Variants in TVP23B observed in about 807,000 individuals in gnomAD.
The protein encoded by TVP23B is Golgi apparatus membrane protein TVP23 homolog B.
Under a neutral mutation model 30.6 loss-of-function variants are expected in TVP23B, and 10 were observed. The ratio of observed to expected loss-of-function variants is 0.33; its 90% CI spans 0.20 to 0.55. TVP23B has a LOEUF of 0.55. TVP23B is among the 20% of genes least tolerant of loss of function. The pLI, the probability that TVP23B is intolerant of heterozygous loss-of-function variation, is 0.91. For missense variants in TVP23B, 153 were observed against 243.2 expected (o/e 0.63, Z 2.47); for synonymous variants, 67 against 83.1 (o/e 0.81, Z 1.06).
intron 3 of TVP23B, 109 bp from the exon 4 acceptor site, chr17:18,797,470 G>A: frequency 2.6e-6 from 4 of 1,544,362 alleles, no homozygotes; most frequent in South Asian, 1.2e-5. Context: ...ATATTATGGA[G>A]GTAAAGCTGA....
chr17:18,795,135 TC>T (rs1200544837), intron 3 of TVP23B, among the ~76,000 whole-genome samples: 2 of 146,150 alleles, frequency 1.4e-5, no homozygotes, highest in Non-Finnish European at 3.0e-5. Flanking sequence ...CAAGCCATTC[TC>T]CTGCCTCACC....
At chr17:18,781,333 G>A in intron 1 of TVP23B, 28 bp downstream of exon 1, 1 of 1,571,008 alleles carries the variant, frequency 6.4e-7, no homozygotes, top group Middle Eastern at 2.3e-4. Context: ...CGCTGGGAGG[G>A]TGGCGGCTCC....
At position 18,798,865 on chromosome 17, in the gene TVP23B, G is replaced by A. The variant is rs750999381; in HGVS notation, c.384G>A (p.Trp128Ter). 18 of 1,613,694 alleles carry A rather than the reference G, an allele frequency of 1.1e-5. No individual in the cohort carries two copies. The highest frequency in any genetic ancestry group is 1.5e-5 in the Non-Finnish European group (18 of 1,179,850). ...CAGAGGCTGAATCAAGAATCTTTTG[G>A]TTGGGACTTATTGCCTGTCCAGTAC... ...TVSEAESRIF[W>*]LGLIACPVLW... Residue 128 changes from tryptophan (W) to a stop codon, truncating the protein, a stop_gained, in exon 5 of 7, where the codon TGG becomes TGA. Coordinates refer to ENST00000307767, the MANE Select transcript of TVP23B (RefSeq NM_016078.6). LOFTEE classifies it high-confidence loss of function.
chr17:18,787,968 T>C (rs1479073361), intron 1 of TVP23B, among the ~76,000 whole-genome samples: 4 of 152,128 alleles, frequency 2.6e-5, no homozygotes, highest in Non-Finnish European at 4.4e-5. Flanking sequence ...TGAGTGCCAC[T>C]AGGAGAGGAA....
chr17:18,806,099 T>C lies in TVP23B; in HGVS notation c.*532T>C, dbSNP rs1597626469. The C allele has an allele frequency of 2.1e-6, 2 of 968,974 alleles. No homozygotes were observed. The highest frequency in any genetic ancestry group is 2.3e-4 in the East Asian group (2 of 8,750). 60.0% of individuals were successfully genotyped at this position (968,974 alleles called of 1,614,324 possible). Reference sequence around the variant, plus strand: ...TTCGTGGGGAAATTTCTTAGACGTATGCAAGCAAGTGAAAACAATTAGGGC... The same window carrying C: ...TTCGTGGGGAAATTTCTTAGACGTACGCAAGCAAGTGAAAACAATTAGGGC... On this transcript the variant is annotated 3_prime_UTR_variant, in exon 7 of 7. Transcript: ENST00000307767.
chr17:18,785,833 CAA>C (rs1242629769), intron 1 of TVP23B, among the ~76,000 whole-genome samples: 2 of 143,272 alleles, frequency 1.4e-5, no homozygotes, highest in Non-Finnish European at 3.1e-5. Flanking sequence ...GACCCTGTGT[CAA>C]AAAAAAAAAA....
Position 18,792,665 on chromosome 17 carries a change from C to T in TVP23B, c.240+1625C>T, listed in dbSNP as rs561439907. Among the ~76,000 whole-genome samples the T allele has an allele frequency of 3.3e-5, 5 of 152,038 alleles. No individual in the cohort carries two copies. In the East Asian group the frequency reaches 5.8e-4, roughly 18 times the overall value. On this transcript the variant is annotated intron_variant, in intron 3 of 6. Transcript: ENST00000307767. ...TCTGGGTTTAGAGTTTTAAAAAATG[C>T]GATCAAAATAGTTTATTTTCTGATA... is the stretch of plus-strand genomic sequence containing the variant.
Position 18,789,591 on chromosome 17 carries a change from A to G in TVP23B, c.95+156A>G, listed in dbSNP as rs2035961372. On this transcript the variant is annotated intron_variant, in intron 2 of 6. Coordinates refer to ENST00000307767, the MANE Select transcript of TVP23B (RefSeq NM_016078.6). Reference sequence around the variant, plus strand: ...ACGTTTAGTGTACGACAAAGATGACATTTCAGATTTTCTTGTGAATAATTG... The same window carrying G: ...ACGTTTAGTGTACGACAAAGATGACGTTTCAGATTTTCTTGTGAATAATTG... The G allele has an allele frequency of 4.1e-6, 4 of 972,128 alleles. No homozygotes were observed. In the South Asian group the frequency reaches 7.6e-5, roughly 18 times the overall value. 60.2% of individuals were successfully genotyped at this position (972,128 alleles called of 1,614,324 possible). A position where few individuals can be genotyped will look rare whatever the true frequency, so the allele number is the denominator to read the frequency against.
rs2036240237 is a variant in TVP23B, at chr17:18,805,626, A to G, written c.*59A>G. 2.5e-6 allele frequency: 4 copies of G among 1,579,280 alleles called. No homozygotes were observed. The Admixed American group carries it at 7.9e-5, about 31-fold the overall frequency. On this transcript the variant is annotated 3_prime_UTR_variant, in exon 7 of 7. Coordinates refer to ENST00000307767, the MANE Select transcript of TVP23B (RefSeq NM_016078.6). ...GAACAACTGAAGAGATTCTTGACTC[A>G]ACCTTTTAGAGCTTAGTCCATGTTG...
chr17:18,805,630 T>C lies in TVP23B; in HGVS notation c.*63T>C. The C allele has an allele frequency of 1.3e-6, 2 of 1,572,700 alleles. No individual in the cohort carries two copies. The highest frequency in any genetic ancestry group is 1.7e-4 in the Middle Eastern group (1 of 5,850). ...AACTGAAGAGATTCTTGACTCAACC[T>C]TTTAGAGCTTAGTCCATGTTGCAAC... is the stretch of plus-strand genomic sequence containing the variant. On this transcript the variant is annotated 3_prime_UTR_variant, in exon 7 of 7. Transcript: ENST00000307767.
At chr17:18,797,521 G>A (rs558658841) in intron 3 of TVP23B, 58 bp from the exon 4 acceptor site, 199 of 1,612,624 alleles carry the variant, frequency 1.2e-4, no homozygotes, top group Non-Finnish European at 1.6e-4. Context: ...ATAGGAGCTT[G>A]TGATAGATCT....
intron 3 of TVP23B, among the ~76,000 whole-genome samples, chr17:18,793,601 A>T (rs1279477703): frequency 6.6e-6 from 1 of 151,832 alleles, no homozygotes; most frequent in Non-Finnish European, 1.5e-5. Context: ...ATCTCAAAAA[A>T]AAAAAAAAAA....
At chr17:18,781,482 C>T in intron 1 of TVP23B, 177 bp downstream of exon 1, 11 of 1,213,478 alleles carry the variant, frequency 9.1e-6, no homozygotes, top group South Asian at 1.6e-5. Flanking sequence ...GGTTCTGAGG[C>T]CGCTGGGGGC....
At chr17:18,789,597 G>C (rs2035961405) in intron 2 of TVP23B, 162 bp downstream of exon 2, 1 of 919,110 alleles carries the variant, frequency 1.1e-6, no homozygotes, top group Non-Finnish European at 1.6e-6. Context: ...TGACATTTCA[G>C]ATTTTCTTGT....
chr17:18,798,813 A>C lies in TVP23B; in HGVS notation c.332A>C (p.Glu111Ala). 1.2e-6 allele frequency: 2 copies of C among 1,602,548 alleles called. No individual in the cohort carries two copies. The highest frequency in any genetic ancestry group is 1.7e-6 in the Non-Finnish European group (2 of 1,176,910). Residue 111 changes from glutamate to alanine, a missense_variant and splice_region_variant, in exon 5 of 7, where the codon GAG (glutamate) becomes GCG (alanine). Physicochemically the swap from Glu to Ala is moderately radical, Grantham distance 107 (BLOSUM62 -1). Around this residue, in one of 3 missense-constraint regions of TVP23B, gnomAD observed 53 missense variants for 128.0 expected, o/e 0.41. Transcript: ENST00000307767. The stretch of plus-strand genomic sequence containing the variant: ...AATTGAATTTATGTTCTTTTATAGG[A>C]GTCCTCTCAAGAGAATAAAACTGTG... ...KSHWVFESRK[E>A]SSQENKTVSE... is the part of the protein sequence containing the mutation.
At chr17:18,787,957 G>A (rs1371579262) in intron 1 of TVP23B, among the ~76,000 whole-genome samples, 1 of 152,174 alleles carries the variant, frequency 6.6e-6, no homozygotes, top group African/African-American at 2.4e-5. Context: ...AGGGAGGCTG[G>A]TGAGTGCCAC....
chr17:18,784,764 C>T (rs1479731709), intron 1 of TVP23B, among the ~76,000 whole-genome samples: 2 of 152,236 alleles, frequency 1.3e-5, no homozygotes, highest in African/African-American at 4.8e-5. Flanking sequence ...GTTTCCAGGA[C>T]ACTACCCCCT....
rs536261828 is a variant in TVP23B at position 18,789,394 on chromosome 17, G to A, written c.54G>A (p.Ala18=). The part of the protein sequence containing the change: ...DDTEDVSLFD[A]EEETTNRPRK... ...CTGAAGATGTTTCACTGTTTGATGCGGAAGAGGAGACGACTAATAGACCAA... is the reference window on the plus strand; with the variant it reads ...CTGAAGATGTTTCACTGTTTGATGCAGAAGAGGAGACGACTAATAGACCAA... The change falls in exon 2 of 7, where the codon GCG becomes GCA. Residue 18 remains alanine, a synonymous_variant. Transcript: ENST00000307767. 1.2e-5 allele frequency: 19 copies of A among 1,613,856 alleles called. No individual in the cohort carries two copies. Among genetic ancestry groups the A allele is most frequent in the Admixed American group, 5.0e-5 (3 of 59,996 alleles).
intron 3 of TVP23B, among the ~76,000 whole-genome samples, chr17:18,791,442 C>T (rs1247848348): frequency 1.3e-5 from 2 of 150,060 alleles, no homozygotes; most frequent in Non-Finnish European, 3.0e-5. Context: ...TGTAGTTTGT[C>T]CACAAATACC....
Sources: gnomAD v4.1 joint callset for allele counts (sites outside exome capture counted in the v4.1 genomes callset) on GRCh38, gnomAD v4.1.1 for gene constraint, gnomAD v4.1.1 regional missense constraint, MANE v1.5 for transcripts, NCBI Gene and HGNC (gene_info 2026-07-23, HGNC 2026-07-21) for gene names.